KCNB2: variants seen among roughly 807,000 people sequenced by gnomAD.
The protein encoded by KCNB2 is delayed rectifier potassium channel protein.
In KCNB2, 15 loss-of-function variants were observed where a neutral mutation model predicts 61.5. That is an observed-to-expected ratio of 0.24 (90% CI 0.16 to 0.38). The LOEUF (loss-of-function observed/expected upper bound fraction) is 0.38. KCNB2 is among the 10% of genes least tolerant of loss of function. KCNB2 has a pLI of 1.00. For missense variants in KCNB2, 828 were observed against 1,125.2 expected (o/e 0.74, Z 3.78); for synonymous variants, 457 against 446.0 (o/e 1.02, Z -0.31).
intron 2 of KCNB2, among the ~76,000 whole-genome samples, chr8:72,771,937 TC>T (rs1199692632): frequency 6.6e-6 from 1 of 152,060 alleles, no homozygotes; most frequent in Non-Finnish European, 1.5e-5. Flanking sequence ...TCAAGAAGAT[TC>T]CATGGAAAGC....
At chr8:72,922,975 T>G (rs1806552901) in intron 2 of KCNB2, among the ~76,000 whole-genome samples, 1 of 148,222 alleles carries the variant, frequency 6.7e-6, no homozygotes, top group South Asian at 2.1e-4. Context: ...ATATGTAAGA[T>G]GTACATTGGT....
Position 72,741,216 on chromosome 8 carries a change from C to T in KCNB2, c.579+172903C>T, listed in dbSNP as rs762946093. ...AGCCTTGTATTCTGCCACTTCCCCA[C>T]GAGCACTGGCTTGTGAACTACCTGC... On this transcript the variant is annotated intron_variant, in intron 2 of 2. Transcript: ENST00000523207. Among the ~76,000 whole-genome samples, 16 of 152,262 alleles carry T rather than the reference C, an allele frequency of 1.1e-4. No homozygotes were observed. In the East Asian group the frequency reaches 1.4e-3, roughly 13 times the overall value.
intron 2 of KCNB2, among the ~76,000 whole-genome samples, chr8:72,808,049 A>C (rs1169980901): frequency 6.6e-6 from 1 of 152,176 alleles, no homozygotes; most frequent in Non-Finnish European, 1.5e-5. Flanking sequence ...CAACAGTTTC[A>C]ATGCAAGTTA....
At chr8:72,622,586 T>TA (rs1354984857) in intron 2 of KCNB2, among the ~76,000 whole-genome samples, 1 of 151,828 alleles carries the variant, frequency 6.6e-6, no homozygotes, top group African/African-American at 2.4e-5. Context: ...TTAGGTAAAT[T>TA]AAAAAAAAGA....
chr8:72,777,454 C>G (rs1419419377), intron 2 of KCNB2, among the ~76,000 whole-genome samples: 1 of 152,102 alleles, frequency 6.6e-6, no homozygotes, highest in Non-Finnish European at 1.5e-5. Context: ...TCCAAGGTAA[C>G]CCCTACCACA....
At chr8:72,592,791 A>T (rs1051598326) in intron 2 of KCNB2, among the ~76,000 whole-genome samples, 3 of 152,126 alleles carry the variant, frequency 2.0e-5, no homozygotes, top group African/African-American at 7.2e-5. Flanking sequence ...AGAATCAGAG[A>T]CTTTTGTGCA....
intron 1 of KCNB2, among the ~76,000 whole-genome samples, chr8:72,566,753 G>A (rs1806631860): frequency 6.6e-6 from 1 of 151,896 alleles, no homozygotes; most frequent in Admixed American, 6.6e-5. Flanking sequence ...GTCTAGGCAA[G>A]TAAGTGATGC....
intron 2 of KCNB2, among the ~76,000 whole-genome samples, chr8:72,645,220 A>G (rs968884474): frequency 9.2e-5 from 14 of 152,122 alleles, no homozygotes; most frequent in Admixed American, 1.3e-4. Context: ...ACCCTGTACC[A>G]TGGAGGCAGA....
rs547046730 is a variant in KCNB2, at chr8:72,913,119, A to C, written c.580-22816A>C. Among the ~76,000 whole-genome samples, 13 of 152,328 alleles carry C rather than the reference A, an allele frequency of 8.5e-5. No homozygotes were observed. In the South Asian group the frequency reaches 1.0e-3, roughly 12 times the overall value. ...AGAGCTAAAGTGAATATAAGTAAAA[A>C]GATAAGTTATTTTATCTCTTCTATA... is the stretch of plus-strand genomic sequence containing the variant. On this transcript the variant is annotated intron_variant, in intron 2 of 2. Transcript: ENST00000523207.
At chr8:72,671,795 T>C (rs1467898333) in intron 2 of KCNB2, among the ~76,000 whole-genome samples, 2 of 152,232 alleles carry the variant, frequency 1.3e-5, no homozygotes, top group Non-Finnish European at 1.5e-5. Flanking sequence ...TGCCCGCCTC[T>C]GTTTCCTCTC....
At chr8:72,894,601 A>T (rs1805956644) in intron 2 of KCNB2, among the ~76,000 whole-genome samples, 1 of 149,846 alleles carries the variant, frequency 6.7e-6, no homozygotes, top group African/African-American at 2.4e-5. Context: ...AGCGTGACCC[A>T]CATTTGAAAC....
intron 2 of KCNB2, among the ~76,000 whole-genome samples, chr8:72,615,399 T>A (rs1436171920): frequency 3.9e-5 from 6 of 152,228 alleles, no homozygotes; most frequent in African/African-American, 9.6e-5. Flanking sequence ...AAAAACTGCC[T>A]TTAATCCTCT....
intron 2 of KCNB2, among the ~76,000 whole-genome samples, chr8:72,773,296 C>T (rs1808591356): frequency 1.3e-5 from 2 of 152,146 alleles, no homozygotes; most frequent in Admixed American, 6.5e-5. Context: ...GCCAACTACT[C>T]ATATGTCTTC....
intron 2 of KCNB2, among the ~76,000 whole-genome samples, chr8:72,578,980 A>T (rs1407722002): frequency 2.0e-5 from 3 of 152,192 alleles, no homozygotes; most frequent in Non-Finnish European, 2.9e-5. Flanking sequence ...TGTGCAGAAG[A>T]GGTTCTCTAA....
intron 2 of KCNB2, among the ~76,000 whole-genome samples, chr8:72,859,463 A>T (rs1161502030): frequency 6.6e-6 from 1 of 152,040 alleles, no homozygotes; most frequent in Non-Finnish European, 1.5e-5. Context: ...CCATTTTAGC[A>T]CATTTTCTTT....
intron 2 of KCNB2, among the ~76,000 whole-genome samples, chr8:72,899,979 G>T (rs1450655579): frequency 6.6e-6 from 1 of 152,052 alleles, no homozygotes; most frequent in Admixed American, 6.6e-5. Flanking sequence ...AGACCAGCTT[G>T]GGCAACATAG....
chr8:72,754,283 G>A (rs1291003657), intron 2 of KCNB2, among the ~76,000 whole-genome samples: 1 of 152,162 alleles, frequency 6.6e-6, no homozygotes, highest in East Asian at 1.9e-4. Flanking sequence ...CCTGGAAGGG[G>A]ACCTTGAGTA....
chr8:72,928,195 T>A lies in KCNB2; in HGVS notation c.580-7740T>A, dbSNP rs1482027. 2.7e-5 allele frequency among the ~76,000 whole-genome samples: 4 copies of A among 146,216 alleles called. No homozygotes were observed. The South Asian group carries it at 8.6e-4, about 31-fold the overall frequency. The stretch of plus-strand genomic sequence containing the variant: ...GGACTTCTTTCCACTTTCTTTCTTT[T>A]TTTTTTTTTTTTTTTGAGACAGAGT... On this transcript the variant is annotated intron_variant, in intron 2 of 2. Coordinates refer to ENST00000523207, the MANE Select transcript of KCNB2 (RefSeq NM_004770.3).
At chr8:72,935,303 T>G (rs926105953) in intron 2 of KCNB2, among the ~76,000 whole-genome samples, 2 of 152,190 alleles carry the variant, frequency 1.3e-5, no homozygotes, top group Non-Finnish European at 2.9e-5. Flanking sequence ...TATGAAACCT[T>G]CCTGCACTCT....
Sources: gnomAD v4.1 joint callset for allele counts (sites outside exome capture counted in the v4.1 genomes callset) on GRCh38, gnomAD v4.1.1 for gene constraint, MANE v1.5 for transcripts, NCBI Gene and HGNC (gene_info 2026-07-23, HGNC 2026-07-21) for gene names.